The following STRN variants were observed in gnomAD, a reference collection of about 807,000 sequenced individuals.
STRN encodes the protein striatin.
A neutral mutation model predicts 96.3 loss-of-function variants in STRN; 53 were observed. That is an observed-to-expected ratio of 0.55 (90% CI 0.44 to 0.69). The LOEUF is 0.69. Ranked by LOEUF, STRN falls within the 30% of genes least tolerant of loss-of-function variation. STRN has a pLI of 0.00. For synonymous variants in STRN, 428 were observed against 355.9 expected, an observed-to-expected ratio of 1.20 and a Z score of -2.28; for missense variants, 987 against 963.9, an observed-to-expected ratio of 1.02 and a Z score of -0.32.
chr2:36,876,915 T>C (rs541752461), intron 10 of STRN, among the ~76,000 whole-genome samples: 4 of 152,006 alleles, frequency 2.6e-5, no homozygotes, highest in African/African-American at 9.6e-5. Context: ...GCCTGGCTAA[T>C]TTTTTTGTAT....
chr2:36,877,973 T>A lies in STRN; in HGVS notation c.1241A>T (p.Asp414Val). The A allele has an allele frequency of 6.2e-7, 1 of 1,614,214 alleles. No homozygotes were observed. Residue 414 changes from aspartate (D) to valine (V), a missense_variant, in exon 10 of 18, where the codon GAT becomes GTT. By Grantham distance (152) the Asp-to-Val change is radical. Coordinates refer to ENST00000263918, the MANE Select transcript of STRN (RefSeq NM_003162.4). ...TCCCAGTTCACTTTCAAGGGCTTCA[T>A]CTGCTCCCATGATGAATGACTTTCC... ...SSGKSFIMGADEALESELGLG... is the reference protein window; with the variant it reads ...SSGKSFIMGAVEALESELGLG...
At position 36,859,473 on chromosome 2, in the gene STRN, A is replaced by G. The variant is rs536295737; in HGVS notation, c.1670-1450T>C. On this transcript the variant is annotated intron_variant, in intron 13 of 17. Coordinates refer to ENST00000263918, the MANE Select transcript of STRN (RefSeq NM_003162.4). ...TAGGTTTCTAGTTTGGGTGATTCTC[A>G]TAGTGCCACCAACTAAAAAAGAATA... is the stretch of plus-strand genomic sequence containing the variant. 4.6e-5 allele frequency among the ~76,000 whole-genome samples: 7 copies of G among 152,346 alleles called. No individual in the cohort carries two copies. The East Asian group carries it at 1.3e-3, about 29-fold the overall frequency.
chr2:36,945,203 C>A (rs1670948734), intron 1 of STRN, among the ~76,000 whole-genome samples: 1 of 151,692 alleles, frequency 6.6e-6, no homozygotes, highest in Non-Finnish European at 1.5e-5. Flanking sequence ...TATAAAGATA[C>A]TTTTTTAAAA....
intron 7 of STRN, among the ~76,000 whole-genome samples, chr2:36,889,953 T>A (rs1015978368): frequency 6.6e-6 from 1 of 152,206 alleles, no homozygotes; most frequent in African/African-American, 2.4e-5. Context: ...TATAATACAC[T>A]GAGCTATGAC....
intron 1 of STRN, among the ~76,000 whole-genome samples, chr2:36,951,915 G>A (rs1664762739): frequency 6.6e-6 from 1 of 152,220 alleles, no homozygotes; most frequent in South Asian, 2.1e-4. Flanking sequence ...TGTCAGATCA[G>A]AGGCAACGCT....
At chr2:36,876,907 C>T (rs1558633280) in intron 10 of STRN, among the ~76,000 whole-genome samples, 1 of 152,034 alleles carries the variant, frequency 6.6e-6, no homozygotes, top group Admixed American at 6.6e-5. Flanking sequence ...GCCACCACGC[C>T]TGGCTAATTT....
At chr2:36,961,705 G>A (rs1407609930) in intron 1 of STRN, among the ~76,000 whole-genome samples, 1 of 152,010 alleles carries the variant, frequency 6.6e-6, no homozygotes, top group African/African-American at 2.4e-5. Context: ...TTTAAAGATG[G>A]TGTCACTCTT....
chr2:36,965,112 C>G (rs78485901), intron 1 of STRN, among the ~76,000 whole-genome samples: 3 of 150,102 alleles, frequency 2.0e-5, no homozygotes, highest in African/African-American at 7.4e-5. Flanking sequence ...TTCTCCTCTT[C>G]TTTTTTTTCT....
chr2:36,866,170 G>A (rs1052122571), intron 12 of STRN, among the ~76,000 whole-genome samples: 2 of 152,020 alleles, frequency 1.3e-5, no homozygotes, highest in Admixed American at 6.6e-5. Context: ...CACCTCCCGG[G>A]CTCAATTCAT....
At position 36,837,743 on chromosome 2, in the gene STRN, T is replaced by C. The variant is rs973393829; in HGVS notation, c.*11713A>G. 2.6e-5 allele frequency among the ~76,000 whole-genome samples: 4 copies of C among 152,186 alleles called. No homozygotes were observed. Among genetic ancestry groups the C allele is most frequent in the Admixed American group, 2.0e-4 (3 of 15,282 alleles). On this transcript the variant is annotated 3_prime_UTR_variant, in exon 18 of 18. Coordinates refer to ENST00000263918, the MANE Select transcript of STRN (RefSeq NM_003162.4). The stretch of plus-strand genomic sequence containing the variant: ...TTTATTTGGAAAAAGTACTTTTGAA[T>C]GTGGTCAACAGACAACTTACAAGAG...
intron 1 of STRN, among the ~76,000 whole-genome samples, chr2:36,938,946 C>T (rs1226957195): frequency 2.0e-5 from 3 of 151,852 alleles, no homozygotes; most frequent in Admixed American, 6.6e-5. Context: ...ATAGCACAAA[C>T]CTTCATTTTC....
chr2:36,928,941 C>A (rs1670495483), intron 1 of STRN, among the ~76,000 whole-genome samples: 1 of 144,856 alleles, frequency 6.9e-6, no homozygotes, highest in African/African-American at 2.6e-5. Context: ...GAGTGAGACT[C>A]CGTCTCAAAA....
At position 36,841,447 on chromosome 2, in the gene STRN, G is replaced by A. The variant is rs560634021; in HGVS notation, c.*8009C>T. ...AACTGTCAAAAGATATGAGACCACC[G>A]AGTTTTTCTTTTTCTAAAAATCACA... is the stretch of plus-strand genomic sequence containing the variant. On this transcript the variant is annotated 3_prime_UTR_variant, in exon 18 of 18. Transcript: ENST00000263918. 6.6e-6 allele frequency: 1 copy of A among 152,104 alleles called. No homozygotes were observed. Among genetic ancestry groups the A allele is most frequent in the South Asian group, 2.1e-4 (1 of 4,830 alleles). The allele number at this position is 152,104 out of a possible 1,614,324, so 9.4% of individuals were successfully genotyped here.
intron 7 of STRN, 104 bp from the exon 8 acceptor site, chr2:36,886,930 C>A (rs1161940589): frequency 7.2e-6 from 6 of 828,632 alleles, no homozygotes; most frequent in Middle Eastern, 2.4e-4. Context: ...TATAGTATCA[C>A]TAACTTAAAA....
intron 1 of STRN, among the ~76,000 whole-genome samples, chr2:36,934,129 C>G (rs1670644019): frequency 1.3e-5 from 2 of 151,966 alleles, no homozygotes; most frequent in South Asian, 4.1e-4. Context: ...AGAAAAAAAA[C>G]TAAATCTATT....
chr2:36,872,736 G>C (rs573871127), intron 10 of STRN, among the ~76,000 whole-genome samples: 2 of 152,286 alleles, frequency 1.3e-5, no homozygotes, highest in African/African-American at 2.4e-5. Flanking sequence ...TAAACTCTTT[G>C]TGGGGATAGA....
chr2:36,889,573 C>G (rs749256846), intron 7 of STRN, among the ~76,000 whole-genome samples: 6 of 120,582 alleles, frequency 5.0e-5, no homozygotes, highest in Non-Finnish European at 7.9e-5. Context: ...TTTTGCTTGC[C>G]AGAATCTAAC....
chr2:36,950,975 G>A (rs1273500452), intron 1 of STRN, among the ~76,000 whole-genome samples: 1 of 152,014 alleles, frequency 6.6e-6, no homozygotes, highest in Non-Finnish European at 1.5e-5. Context: ...AATATCATAA[G>A]ATATTGGTAA....
intron 1 of STRN, among the ~76,000 whole-genome samples, chr2:36,950,971 A>T (rs1049650109): frequency 1.3e-5 from 2 of 152,216 alleles, no homozygotes; most frequent in Non-Finnish European, 2.9e-5. Flanking sequence ...TTTAAATATC[A>T]TAAGATATTG....
Sources: gnomAD v4.1 joint callset for allele counts (sites outside exome capture counted in the v4.1 genomes callset) on GRCh38, gnomAD v4.1.1 for gene constraint, MANE v1.5 for transcripts, NCBI Gene and HGNC (gene_info 2026-07-23, HGNC 2026-07-21) for gene names.